Variants in EBF2 observed in about 807,000 individuals in gnomAD.
The protein encoded by EBF2 is transcription factor COE2.
Under a neutral mutation model 72.8 loss-of-function variants are expected in EBF2, and 21 were observed. The ratio of observed to expected loss-of-function variants is 0.29; its 90% CI spans 0.20 to 0.42. EBF2 has a LOEUF of 0.42. Ranked by LOEUF, EBF2 falls within the 10% of genes least tolerant of loss-of-function variation. The pLI is 1.00. For synonymous variants in EBF2, 299 were observed against 274.2 expected (o/e 1.09, Z -0.89); for missense variants, 637 against 731.2 (o/e 0.87, Z 1.49).
chr8:25,894,202 A>G lies in EBF2; in HGVS notation c.634-4333T>C, dbSNP rs142720290. Among the ~76,000 whole-genome samples the G allele has an allele frequency of 8.7e-4, 133 of 152,348 alleles. 2 individuals carry two copies. In the East Asian group the frequency reaches 0.014, roughly 16 times the overall value. On this transcript the variant is annotated intron_variant, in intron 7 of 15. Transcript: ENST00000520164. ...TATACATAGAGACACACACTTAAAT[A>G]CTGACTTTTACATACATTTGCTTTA...
Position 26,044,298 on chromosome 8 carries a change from G to A in EBF2, c.131+431C>T, listed in dbSNP as rs947680603. Among the ~76,000 whole-genome samples, 1 of 152,142 alleles carries A rather than the reference G, an allele frequency of 6.6e-6. No individual in the cohort carries two copies. The highest frequency in any genetic ancestry group is 1.5e-5 in the Non-Finnish European group (1 of 68,022). On this transcript the variant is annotated intron_variant, in intron 1 of 15. Coordinates refer to ENST00000520164, the MANE Select transcript of EBF2 (RefSeq NM_022659.4). The surrounding 1 kb of genome is among the most constrained non-coding windows in gnomAD (Gnocchi z 4.1). Reference sequence around the variant, plus strand: ...TCGCCCAGCAAGATGCGGGAGGTAGGCGCTCGCAGGCGGCGTGGCGAAGCC... The same window carrying A: ...TCGCCCAGCAAGATGCGGGAGGTAGACGCTCGCAGGCGGCGTGGCGAAGCC...
At chr8:26,002,979 G>T (rs1209277203) in intron 6 of EBF2, among the ~76,000 whole-genome samples, 1 of 150,356 alleles carries the variant, frequency 6.7e-6, no homozygotes, top group African/African-American at 2.5e-5. Flanking sequence ...GGTGGCCCTG[G>T]ACAGCTCCCA....
chr8:25,867,365 A>C (rs1563381750), intron 10 of EBF2, among the ~76,000 whole-genome samples: 1 of 152,244 alleles, frequency 6.6e-6, no homozygotes, highest in Non-Finnish European at 1.5e-5. Context: ...CACTAAGGTC[A>C]CCAATAGCAT....
At chr8:25,950,615 T>C (rs901287930) in intron 6 of EBF2, among the ~76,000 whole-genome samples, 3 of 152,198 alleles carry the variant, frequency 2.0e-5, no homozygotes, top group Non-Finnish European at 4.4e-5. Context: ...TACTGGAGCC[T>C]GACTAAAAAC....
At position 25,890,344 on chromosome 8, in the gene EBF2, T is replaced by C. The variant is rs1243948422; in HGVS notation, c.634-475A>G. 2.6e-5 allele frequency among the ~76,000 whole-genome samples: 4 copies of C among 152,286 alleles called. No homozygotes were observed. In the East Asian group the frequency reaches 5.8e-4, roughly 22 times the overall value. ...GGGATGCTGGCTGGTGAATTGTCTG[T>C]GGTGTTGCTGCCCAGTAGAGAGTGG... On this transcript the variant is annotated intron_variant, in intron 7 of 15. Transcript: ENST00000520164.
intron 6 of EBF2, among the ~76,000 whole-genome samples, chr8:25,984,661 G>C (rs888813262): frequency 1.3e-5 from 2 of 151,224 alleles, no homozygotes; most frequent in African/African-American, 4.9e-5. Flanking sequence ...CAGCCTGGGC[G>C]ACAGAGCAAG....
intron 15 of EBF2, among the ~76,000 whole-genome samples, chr8:25,845,945 T>A (rs554566526): frequency 6.6e-6 from 1 of 152,298 alleles, no homozygotes; most frequent in East Asian, 1.9e-4. Flanking sequence ...AACCCTTCCA[T>A]CTCTCTCTCC....
intron 7 of EBF2, among the ~76,000 whole-genome samples, chr8:25,903,698 AAAAC>A (rs531121025): frequency 5.3e-5 from 8 of 152,304 alleles, no homozygotes; most frequent in East Asian, 1.9e-4. Context: ...CTCCGTCTCA[AAAAC>A]AAACAAACAA....
At chr8:25,926,094 T>C (rs1427066355) in intron 6 of EBF2, among the ~76,000 whole-genome samples, 2 of 152,126 alleles carry the variant, frequency 1.3e-5, no homozygotes, top group Non-Finnish European at 2.9e-5. Flanking sequence ...CTCGAAGGGC[T>C]TAAGGGAACT....
intron 7 of EBF2, among the ~76,000 whole-genome samples, chr8:25,898,740 C>G (rs4415324): frequency 0.44 from 66,199 of 151,920 alleles, 16,271 homozygotes; most frequent in East Asian, 0.72. Context: ...CTAGGAAGCT[C>G]TAGCCCCAGG....
chr8:25,967,068 T>G (rs541506812), intron 6 of EBF2, among the ~76,000 whole-genome samples: 1 of 152,198 alleles, frequency 6.6e-6, no homozygotes, highest in African/African-American at 2.4e-5. Flanking sequence ...AAATTCATCA[T>G]CAGAGATGAT....
intron 6 of EBF2, among the ~76,000 whole-genome samples, chr8:26,031,111 C>T (rs1017264458): frequency 6.6e-6 from 1 of 152,012 alleles, no homozygotes; most frequent in East Asian, 1.9e-4. Flanking sequence ...TTTCTAAAGC[C>T]GGTTTACAGG....
intron 6 of EBF2, among the ~76,000 whole-genome samples, chr8:25,989,727 G>A (rs369170299): frequency 1.3e-5 from 2 of 152,208 alleles, no homozygotes; most frequent in South Asian, 2.1e-4. Context: ...GTAAATAACA[G>A]GAAGATGGGC....
At position 25,850,605 on chromosome 8, in the gene EBF2, T is replaced by C. The variant is rs762174178; in HGVS notation, c.1685A>G (p.Asn562Ser). 7.0e-6 allele frequency: 11 copies of C among 1,561,400 alleles called. No individual in the cohort carries two copies. In the East Asian group the frequency reaches 1.7e-4, roughly 24 times the overall value. ...PSPACSSGNG[N>S]GFRAMTGLVV... ...GAACCCTTGCTTACCTCTGAATCCA[T>C]TTCCATTGCCGCTGGAGCAGGCAGG... Residue 562 changes from asparagine (N) to serine (S), a missense_variant, in exon 15 of 16, where the codon AAT (asparagine) becomes AGT (serine). By Grantham distance (46) the Asn-to-Ser change is conservative. Transcript: ENST00000520164.
chr8:25,872,706 CAACAACAAA>C (rs1365733051), intron 10 of EBF2, among the ~76,000 whole-genome samples: 20 of 137,022 alleles, frequency 1.5e-4, no homozygotes, highest in African/African-American at 5.1e-4. Context: ...ACAACAACAA[CAACAACAAA>C]CCCTTAAATC....
intron 14 of EBF2, among the ~76,000 whole-genome samples, chr8:25,852,701 G>A (rs186407439): frequency 2.6e-5 from 4 of 152,240 alleles, no homozygotes; most frequent in South Asian, 2.1e-4. Flanking sequence ...GTACATGCCC[G>A]TTTTAAATAT....
intron 10 of EBF2, among the ~76,000 whole-genome samples, chr8:25,864,873 C>T (rs1431413676): frequency 6.6e-6 from 1 of 151,266 alleles, no homozygotes; most frequent in Non-Finnish European, 1.5e-5. Flanking sequence ...TCTCAGCTCA[C>T]AGCAACCTCC....
chr8:25,940,903 G>A (rs1007183764), intron 6 of EBF2, among the ~76,000 whole-genome samples: 6 of 151,902 alleles, frequency 3.9e-5, no homozygotes, highest in Non-Finnish European at 7.4e-5. Flanking sequence ...CCCAAAACAC[G>A]GTAGACTAGT....
chr8:25,905,482 A>ATTT, intron 7 of EBF2, among the ~76,000 whole-genome samples: 1 of 151,892 alleles, frequency 6.6e-6, no homozygotes, highest in Non-Finnish European at 1.5e-5. Context: ...TGATATATCC[A>ATTT]TACAATGGAA....
Sources: gnomAD v4.1 joint callset for allele counts (sites outside exome capture counted in the v4.1 genomes callset) on GRCh38, gnomAD v4.1.1 for gene constraint, Gnocchi (gnomAD v3.1) non-coding constraint, MANE v1.5 for transcripts, NCBI Gene and HGNC (gene_info 2026-07-23, HGNC 2026-07-21) for gene names.